CARNMT1: variants seen among roughly 807,000 people sequenced by gnomAD.
The protein encoded by CARNMT1 is protein-L-histidine N-pros-methyltransferase CARNMT1.
A neutral mutation model predicts 49.6 loss-of-function variants in CARNMT1; 28 were observed. That is an observed-to-expected ratio of 0.56 (90% CI 0.42 to 0.77). CARNMT1 has a LOEUF of 0.77. Among genes scored for constraint, CARNMT1 ranks in the 30% least tolerant of loss-of-function variants. The probability of loss-of-function intolerance (pLI) is 0.00; values close to 1 mark genes in which losing one functional copy is unlikely to be tolerated. For missense variants in CARNMT1, 421 were observed against 512.6 expected, an observed-to-expected ratio of 0.82 and a Z score of 1.73; for synonymous variants, 178 against 175.0, an observed-to-expected ratio of 1.02 and a Z score of -0.13.
chr9:75,023,977 G>A (rs1017174211), intron 1 of CARNMT1, among the ~76,000 whole-genome samples: 2 of 152,210 alleles, frequency 1.3e-5, no homozygotes, highest in Non-Finnish European at 2.9e-5. Context: ...CTGATAAGAG[G>A]AGAAAGTAAA....
At chr9:74,990,946 C>T (rs1255462719) in intron 6 of CARNMT1, among the ~76,000 whole-genome samples, 10 of 152,084 alleles carry the variant, frequency 6.6e-5, no homozygotes, top group Non-Finnish European at 1.2e-4. Flanking sequence ...GTAAGAGACA[C>T]ACCTAAAACA....
At chr9:75,020,741 C>T (rs72732932) in intron 1 of CARNMT1, among the ~76,000 whole-genome samples, 11 of 152,208 alleles carry the variant, frequency 7.2e-5, no homozygotes, top group Middle Eastern at 3.4e-3. Flanking sequence ...CCTGGCTGGT[C>T]GCGTTTTTAC....
intron 3 of CARNMT1, among the ~76,000 whole-genome samples, chr9:75,011,011 T>G (rs1587288326): frequency 6.6e-6 from 1 of 151,722 alleles, no homozygotes; most frequent in East Asian, 1.9e-4. Context: ...CATAAATATA[T>G]AATTCTCAAA....
At chr9:74,991,149 C>CT (rs1227299824) in intron 6 of CARNMT1, 95 of 146,414 alleles carry the variant, frequency 6.5e-4, no homozygotes, top group Non-Finnish European at 7.1e-4. Context: ...GTTTTTTTTT[C>CT]TTTTTTTTTT....
intron 1 of CARNMT1, among the ~76,000 whole-genome samples, chr9:75,021,915 G>A (rs566812293): frequency 2.0e-4 from 31 of 151,996 alleles, no homozygotes; most frequent in Non-Finnish European, 4.1e-4. Context: ...TACAGGCTGC[G>A]TAACAGAGCA....
chr9:74,997,429 C>G (rs1294349540), intron 5 of CARNMT1, among the ~76,000 whole-genome samples: 2 of 152,176 alleles, frequency 1.3e-5, no homozygotes, highest in Admixed American at 6.5e-5. Context: ...CCAATGGCTT[C>G]CTGTTTCTCT....
chr9:74,992,721 G>A (rs1833065080), intron 6 of CARNMT1, among the ~76,000 whole-genome samples: 1 of 152,160 alleles, frequency 6.6e-6, no homozygotes, highest in African/African-American at 2.4e-5. Context: ...TAAAGCATTT[G>A]TAAATTAATG....
At chr9:75,010,130 T>TG (rs1266063511) in intron 3 of CARNMT1, 1 of 146,686 alleles carries the variant, frequency 6.8e-6, no homozygotes, top group Admixed American at 6.8e-5. Context: ...TTTTTTTTTT[T>TG]TTTTTTTTTT....
At chr9:75,027,912 G>C in intron 1 of CARNMT1, 100 bp downstream of exon 1, 4 of 1,306,632 alleles carry the variant, frequency 3.1e-6, no homozygotes, top group Non-Finnish European at 4.0e-6. Flanking sequence ...ACGCCTCGGA[G>C]GCGTGGCGGC....
At chr9:75,017,156 T>C (rs1833878440) in intron 2 of CARNMT1, 97 bp downstream of exon 2, 1 of 884,208 alleles carries the variant, frequency 1.1e-6, no homozygotes, top group Admixed American at 2.6e-5. Flanking sequence ...GCAAATAGCC[T>C]GTGCCAGATT....
chr9:74,985,061 G>T, intron 6 of CARNMT1, 51 bp from the exon 7 acceptor site: 1 of 1,307,864 alleles, frequency 7.6e-7, no homozygotes, highest in Non-Finnish European at 1.1e-6. Context: ...TACACTCATA[G>T]CTGTGTTACA....
Position 75,028,165 on chromosome 9 carries a change from T to TCGCTGC in CARNMT1, c.71_76dup (p.Gly24_Ser25dup), listed in dbSNP as rs1306194505. The TCGCTGC allele has an allele frequency of 1.3e-6, 2 of 1,528,762 alleles. No homozygotes were observed. The highest frequency in any genetic ancestry group is 2.9e-5 in the African/African-American group (2 of 69,278). The allele number at this position is 1,528,762 out of a possible 1,614,324, so 94.7% of individuals were successfully genotyped here. ...GGCGGAAAACTGCACTTCCACCTCC[T>TCGCTGC]CGCTGCCACCGCCTCCTCCCCCGCA... On this transcript the variant is annotated inframe_insertion, in exon 1 of 8. Coordinates refer to ENST00000376834, the MANE Select transcript of CARNMT1 (RefSeq NM_152420.3).
chr9:75,007,742 T>TAAAAAA (rs1195986144), intron 3 of CARNMT1, among the ~76,000 whole-genome samples: 1 of 100,058 alleles, frequency 1.0e-5, no homozygotes, highest in Non-Finnish European at 2.0e-5. Context: ...AAAATAAAAA[T>TAAAAAA]AATAAAAAAA....
intron 3 of CARNMT1, among the ~76,000 whole-genome samples, chr9:75,003,123 C>T (rs1422161978): frequency 6.6e-6 from 1 of 152,188 alleles, no homozygotes; most frequent in Non-Finnish European, 1.5e-5. Context: ...CAACTCCCAA[C>T]AAAGAACTCT....
At chr9:74,995,669 G>A (rs139175158) in intron 6 of CARNMT1, among the ~76,000 whole-genome samples, 36 of 152,158 alleles carry the variant, frequency 2.4e-4, no homozygotes, top group Middle Eastern at 3.4e-3. Context: ...AGACCCACCC[G>A]GAAGGCCAAG....
intron 3 of CARNMT1, among the ~76,000 whole-genome samples, chr9:75,001,466 T>C (rs1833353660): frequency 6.6e-6 from 1 of 152,200 alleles, no homozygotes; most frequent in Non-Finnish European, 1.5e-5. Flanking sequence ...AAAACTGCTA[T>C]TGAAAGGCTA....
intron 3 of CARNMT1, 78 bp from the exon 4 acceptor site, chr9:74,999,948 A>C: frequency 7.3e-7 from 1 of 1,366,442 alleles, no homozygotes; most frequent in South Asian, 1.4e-5. Context: ...AACAACTAAA[A>C]ACTTACTCAT....
upstream of CARNMT1, chr9:75,028,366 G>T (rs1484453166): frequency 1.2e-5 from 15 of 1,301,712 alleles, no homozygotes; most frequent in Non-Finnish European, 1.5e-5. Flanking sequence ...GGCGCGCTCC[G>T]CCCCCGCCAC....
At position 75,011,147 on chromosome 9, in the gene CARNMT1, A is replaced by T. The variant is rs138765851; in HGVS notation, c.590+5121T>A. On this transcript the variant is annotated intron_variant, in intron 3 of 7. Transcript: ENST00000376834. Reference sequence around the variant, plus strand: ...ACCCATCAGGTTGGCAAAAGGTCAAAGGCTTAAAACTACAGTATTTGTCAG... The same window carrying T: ...ACCCATCAGGTTGGCAAAAGGTCAATGGCTTAAAACTACAGTATTTGTCAG... 1.0e-3 allele frequency among the ~76,000 whole-genome samples: 153 copies of T among 152,338 alleles called. 1 individual carries two copies. Among genetic ancestry groups the T allele is most frequent in the East Asian group, 2.1e-3 (11 of 5,190 alleles).
Sources: gnomAD v4.1 joint callset for allele counts (sites outside exome capture counted in the v4.1 genomes callset) on GRCh38, gnomAD v4.1.1 for gene constraint, MANE v1.5 for transcripts, NCBI Gene and HGNC (gene_info 2026-07-23, HGNC 2026-07-21) for gene names.